The following PRKG1 variants were observed in gnomAD, a reference collection of about 807,000 sequenced individuals.
PRKG1 encodes cGMP-dependent protein kinase 1.
A neutral mutation model predicts 88.1 loss-of-function variants in PRKG1; 35 were observed. The observed-to-expected ratio is 0.40, with a 90% CI of 0.30 to 0.53. The LOEUF is 0.53. PRKG1 is among the 20% of genes least tolerant of loss of function. The pLI, the probability that PRKG1 is intolerant of heterozygous loss-of-function variation, is 0.59. For synonymous variants in PRKG1, 303 were observed against 292.5 expected (o/e 1.04, Z -0.37); for missense variants, 540 against 839.8 (o/e 0.64, Z 4.41).
At chr10:52,147,270 T>G (rs1837754769) in intron 8 of PRKG1, among the ~76,000 whole-genome samples, 1 of 152,178 alleles carries the variant, frequency 6.6e-6, no homozygotes, top group African/African-American at 2.4e-5. Flanking sequence ...CATTATGACT[T>G]GAGAAGATCC....
intron 3 of PRKG1, among the ~76,000 whole-genome samples, chr10:51,614,296 A>G (rs551643834): frequency 6.6e-6 from 1 of 152,042 alleles, no homozygotes; most frequent in South Asian, 2.1e-4. Flanking sequence ...TACCTGATAT[A>G]AGCAGAGCTA....
chr10:51,461,922 G>T (rs1169854481), intron 2 of PRKG1, among the ~76,000 whole-genome samples: 1 of 152,130 alleles, frequency 6.6e-6, no homozygotes, highest in African/African-American at 2.4e-5. Context: ...AAATGACCCT[G>T]CAAGGCAAGT....
intron 3 of PRKG1, among the ~76,000 whole-genome samples, chr10:51,604,500 A>T (rs1333271571): frequency 6.6e-6 from 1 of 152,218 alleles, no homozygotes; most frequent in Non-Finnish European, 1.5e-5. Flanking sequence ...ACCATATCTG[A>T]TTCACAACCA....
At chr10:52,015,781 G>C (rs1318684532) in intron 5 of PRKG1, among the ~76,000 whole-genome samples, 1 of 152,136 alleles carries the variant, frequency 6.6e-6, no homozygotes, top group Non-Finnish European at 1.5e-5. Context: ...TTGCTGCTTA[G>C]GAATCTCTTC....
At chr10:51,614,540 T>C (rs1355489297) in intron 3 of PRKG1, among the ~76,000 whole-genome samples, 1 of 152,104 alleles carries the variant, frequency 6.6e-6, no homozygotes, top group Non-Finnish European at 1.5e-5. Flanking sequence ...AAGGTTATTA[T>C]TGATGTATGA....
intron 4 of PRKG1, among the ~76,000 whole-genome samples, chr10:51,810,731 T>C (rs1839432451): frequency 6.6e-6 from 1 of 152,214 alleles, no homozygotes; most frequent in South Asian, 2.1e-4. Context: ...ACTTTGTTAT[T>C]GAAACTTTAT....
At chr10:51,024,324 A>T (rs557179664) in intron 1 of PRKG1, among the ~76,000 whole-genome samples, 2 of 152,128 alleles carry the variant, frequency 1.3e-5, no homozygotes, top group Non-Finnish European at 2.9e-5. Flanking sequence ...CTGAAGGACA[A>T]TGTAGACAGA....
In PRKG1 at chr10:51,563,398, T is replaced by G. The variant is rs987398723; in HGVS notation, c.592+95562T>G. On this transcript the variant is annotated intron_variant, in intron 3 of 17. Coordinates refer to ENST00000373980, the MANE Select transcript of PRKG1 (RefSeq NM_006258.4). Reference sequence around the variant, plus strand: ...ATGCATTCTGTGTATGGAAACACTATGTACCCCATGAATATGTATAATTAT... The same window carrying G: ...ATGCATTCTGTGTATGGAAACACTAGGTACCCCATGAATATGTATAATTAT... Among the ~76,000 whole-genome samples, 13 of 152,266 alleles carry G rather than the reference T, an allele frequency of 8.5e-5. No homozygotes were observed. In the South Asian group the frequency reaches 2.5e-3, roughly 29 times the overall value.
chr10:51,370,512 A>ATGTGTGTGTG (rs34743767), intron 2 of PRKG1, among the ~76,000 whole-genome samples: 4 of 146,804 alleles, frequency 2.7e-5, no homozygotes, highest in Admixed American at 1.4e-4. Context: ...GTGTGTGTGT[A>ATGTGTGTGTG]TGTGTGTGTG....
chr10:52,026,712 C>A (rs1447724875), intron 5 of PRKG1, among the ~76,000 whole-genome samples: 1 of 152,226 alleles, frequency 6.6e-6, no homozygotes, highest in South Asian at 2.1e-4. Flanking sequence ...CACGGTGGCT[C>A]ACGCCTGTAA....
intron 5 of PRKG1, among the ~76,000 whole-genome samples, chr10:52,020,380 G>A (rs1035081897): frequency 2.6e-5 from 4 of 152,088 alleles, no homozygotes; most frequent in African/African-American, 4.8e-5. Context: ...ACCAGTGGAA[G>A]GTATCCAAGT....
At chr10:51,322,081 C>T (rs1362336367) in intron 2 of PRKG1, among the ~76,000 whole-genome samples, 3 of 152,080 alleles carry the variant, frequency 2.0e-5, no homozygotes. Flanking sequence ...TGTGAAGCCA[C>T]CATATTCGAC....
intron 9 of PRKG1, among the ~76,000 whole-genome samples, chr10:52,197,887 G>A (rs934828970): frequency 4.6e-5 from 7 of 152,140 alleles, no homozygotes; most frequent in African/African-American, 1.7e-4. Flanking sequence ...ACTCTGGGAT[G>A]TTTAATATGC....
intron 4 of PRKG1, among the ~76,000 whole-genome samples, chr10:51,831,923 A>C (rs1207585602): frequency 6.6e-6 from 1 of 151,094 alleles, no homozygotes; most frequent in Non-Finnish European, 1.5e-5. Flanking sequence ...AATTCTCTCT[A>C]GTTGGTGGGA....
intron 3 of PRKG1, among the ~76,000 whole-genome samples, chr10:51,632,274 C>T (rs1001076574): frequency 1.3e-5 from 2 of 152,012 alleles, no homozygotes; most frequent in Non-Finnish European, 2.9e-5. Context: ...AACAGTGACC[C>T]CCATGTGATT....
At chr10:51,496,335 C>T (rs977073343) in intron 3 of PRKG1, among the ~76,000 whole-genome samples, 3 of 152,024 alleles carry the variant, frequency 2.0e-5, no homozygotes, top group African/African-American at 4.8e-5. Flanking sequence ...ATCAGAGACA[C>T]GTTGGGATGA....
chr10:51,656,796 C>G lies in PRKG1; in HGVS notation c.593-147789C>G, dbSNP rs145635106. 2.6e-3 allele frequency among the ~76,000 whole-genome samples: 399 copies of G among 152,216 alleles called. 2 individuals are homozygous for G. The highest frequency in any genetic ancestry group is 9.2e-3 in the African/African-American group (384 of 41,532). Reference sequence around the variant, plus strand: ...CTCAGAGCCTTCCACAACTTGGCACCAACAAACCTTTTCAACAGGACTCCT... The same window carrying G: ...CTCAGAGCCTTCCACAACTTGGCACGAACAAACCTTTTCAACAGGACTCCT... On this transcript the variant is annotated intron_variant, in intron 3 of 17. Transcript: ENST00000373980.
intron 3 of PRKG1, among the ~76,000 whole-genome samples, chr10:51,677,145 T>C (rs1401845382): frequency 3.9e-5 from 6 of 152,194 alleles, no homozygotes; most frequent in Non-Finnish European, 5.9e-5. Flanking sequence ...CCTTTTTTAA[T>C]GTGTGATGTC....
Position 51,627,978 on chromosome 10 carries a change from T to TTC in PRKG1, c.592+160144_592+160145dup, listed in dbSNP as rs1564579717. Among the ~76,000 whole-genome samples, 62 of 31,942 alleles carry TTC rather than the reference T, an allele frequency of 1.9e-3. 1 individual carries two copies. Among genetic ancestry groups the TTC allele is most frequent in the South Asian group, 0.01 (5 of 500 alleles). 21.0% of individuals were successfully genotyped at this position (31,942 alleles called of 152,430 possible). A position where few individuals can be genotyped will look rare whatever the true frequency, so the allele number is the denominator to read the frequency against. ...TCTTTCTTTCTTTCTTTCTCTTTCTTTCTTTCTTTCTTTCTCTCTCTCTCT... is the reference window on the plus strand; with the variant it reads ...TCTTTCTTTCTTTCTTTCTCTTTCTTTCTCTTTCTTTCTTTCTCTCTCTCTCT... On this transcript the variant is annotated intron_variant, in intron 3 of 17. Transcript: ENST00000373980.
Sources: allele counts gnomAD v4.1 joint callset (sites outside exome capture counted in the v4.1 genomes callset), GRCh38; gene constraint gnomAD v4.1.1; transcripts MANE v1.5; gene names NCBI Gene and HGNC (gene_info 2026-07-23, HGNC 2026-07-21).